The following DBN1 variants were observed in gnomAD, a reference collection of about 807,000 sequenced individuals.
DBN1 encodes the protein drebrin 1, also known as drebrin.
DBN1 carries 21 observed loss-of-function variants against 83.5 expected under a neutral mutation model. That is an observed-to-expected ratio of 0.25 (90% CI 0.18 to 0.36). The LOEUF (loss-of-function observed/expected upper bound fraction) is 0.36, where lower values mean the gene tolerates loss of function less well. DBN1 is among the 10% of genes least tolerant of loss of function. The pLI, the probability that DBN1 is intolerant of heterozygous loss-of-function variation, is 1.00. For missense variants in DBN1, 874 were observed against 935.7 expected, an observed-to-expected ratio of 0.93 and a Z score of 0.86; for synonymous variants, 381 against 384.9, an observed-to-expected ratio of 0.99 and a Z score of 0.12.
At chr5:177,472,041 A>T in intron 1 of DBN1, 1 of 1,496,218 alleles carries the variant, frequency 6.7e-7, no homozygotes, top group Non-Finnish European at 9.0e-7. Flanking sequence ...CCATGATCTC[A>T]GCCCCCCTGG....
chr5:177,462,355 C>T (rs1434163176), intron 8 of DBN1: 5 of 985,410 alleles, frequency 5.1e-6, no homozygotes, highest in East Asian at 1.1e-4. Flanking sequence ...GCTCCCCACC[C>T]GGGGGCCAGG....
Position 177,460,433 on chromosome 5 carries a change from T to C in DBN1, c.954A>G (p.Pro318=). The C allele has an allele frequency of 1.9e-6, 3 of 1,613,672 alleles. No homozygotes were observed. ...ACGGGGGGTGGGGCCTAGGACTACC[T>C]GGTCGATGGTTGAAGGGCGAGGGTA... ...CDVPSPFNHR[P]GRPYCPFIKA... Residue 318 remains proline, a splice_region_variant and synonymous_variant, in exon 10 of 15, where the codon CCA becomes CCG. Transcript: ENST00000393565.
chr5:177,459,794 C>T, intron 10 of DBN1, 54 bp from the exon 11 acceptor site: 1 of 1,410,472 alleles, frequency 7.1e-7, no homozygotes, highest in Non-Finnish European at 9.3e-7. Flanking sequence ...GGGTCAGTCT[C>T]CCCCACCCCT....
intron 11 of DBN1, 141 bp from the exon 12 acceptor site, chr5:177,459,409 C>T (rs1405189442): frequency 2.8e-5 from 40 of 1,430,108 alleles, no homozygotes; most frequent in Non-Finnish European, 3.6e-5. Context: ...AGGGGCCAGA[C>T]TACAGCTCCA....
intron 8 of DBN1, chr5:177,462,269 T>A: frequency 2.0e-6 from 2 of 984,990 alleles, no homozygotes; most frequent in Non-Finnish European, 2.4e-6. Context: ...CACGACGCAG[T>A]CAGTTCCCAG....
intron 1 of DBN1, among the ~76,000 whole-genome samples, chr5:177,470,775 T>A (rs1384109809): frequency 2.6e-5 from 4 of 152,158 alleles, no homozygotes; most frequent in Admixed American, 6.5e-5. Context: ...GCACCCACCA[T>A]ATCCCAGCAG....
At position 177,462,579 on chromosome 5, in the gene DBN1, C is replaced by T. The variant is rs1561681631; in HGVS notation, c.772-1876G>A. 2.6e-5 allele frequency among the ~76,000 whole-genome samples: 4 copies of T among 152,186 alleles called. No homozygotes were observed. In the South Asian group the frequency reaches 8.3e-4, roughly 31 times the overall value. On this transcript the variant is annotated intron_variant, in intron 8 of 14. Transcript: ENST00000393565. ...AGGACCGGGGTCTCCGGGTGGGTGGCCAGCACAAGGCGGGCGCATGTTTGC... is the reference window on the plus strand; with the variant it reads ...AGGACCGGGGTCTCCGGGTGGGTGGTCAGCACAAGGCGGGCGCATGTTTGC...
In DBN1 at chr5:177,467,589, G is replaced by A; in HGVS notation, c.369C>T (p.Asp123=). The part of the protein sequence containing the change: ...DVIVNASSVE[D]IDAGAIGQRL... ...GCTGCCCGATGGCACCCGCGTCTATGTCTTCCACGCTGCTGGCGTTCACGA... is the reference window on the plus strand; with the variant it reads ...GCTGCCCGATGGCACCCGCGTCTATATCTTCCACGCTGCTGGCGTTCACGA... The change falls in exon 5 of 15, where the codon GAC becomes GAT. Residue 123 remains aspartate (D), a synonymous_variant. Coordinates refer to ENST00000393565, the MANE Select transcript of DBN1 (RefSeq NM_001363541.2). This position sits in a 1 kb window ranked among gnomAD's most constrained non-coding sequence, Gnocchi z 9.1. The A allele has an allele frequency of 6.4e-7, 1 of 1,569,338 alleles. No individual in the cohort carries two copies. Among genetic ancestry groups the A allele is most frequent in the Non-Finnish European group, 8.6e-7 (1 of 1,157,102 alleles).
chr5:177,468,794 C>G, intron 2 of DBN1, 50 bp downstream of exon 2: 1 of 1,266,316 alleles, frequency 7.9e-7, no homozygotes, highest in East Asian at 2.8e-5. Flanking sequence ...AAGAAAACAA[C>G]CAGGAGGAGG....
At chr5:177,471,470 G>A (rs570126089) in intron 1 of DBN1, among the ~76,000 whole-genome samples, 57 of 152,202 alleles carry the variant, frequency 3.7e-4, no homozygotes, top group African/African-American at 1.1e-3. Context: ...CTCCCCATTG[G>A]AGGCAAGGTA....
intron 1 of DBN1, among the ~76,000 whole-genome samples, chr5:177,469,711 G>A (rs1167314238): frequency 6.6e-6 from 1 of 152,182 alleles, no homozygotes; most frequent in Non-Finnish European, 1.5e-5. Flanking sequence ...GGCTCCTTTT[G>A]ATAGGCTGCG....
intron 1 of DBN1, chr5:177,472,279 G>T: frequency 6.2e-7 from 1 of 1,603,084 alleles, no homozygotes; most frequent in African/African-American, 1.3e-5. Flanking sequence ...GTGCGGGTGA[G>T]GCCAGCCCAA....
chr5:177,461,843 A>C (rs1366360214), intron 8 of DBN1, among the ~76,000 whole-genome samples: 3 of 152,202 alleles, frequency 2.0e-5, no homozygotes, highest in Non-Finnish European at 4.4e-5. Flanking sequence ...CACAGCAAGC[A>C]CTGGCTAAAT....
In DBN1 at chr5:177,459,705, T is replaced by C. The variant is rs1756867114; in HGVS notation, c.991A>G (p.Ser331Gly). Residue 331 changes from serine (S) to glycine (G), a missense_variant, in exon 11 of 15, where the codon AGT (serine) becomes GGT (glycine). By Grantham distance (56) the Ser-to-Gly change is moderately conservative (BLOSUM62 0). This residue lies in a region of DBN1 where 725 missense variants were observed against 719.7 expected (regional missense o/e 1.01). Coordinates refer to ENST00000393565, the MANE Select transcript of DBN1 (RefSeq NM_001363541.2). Reference protein sequence around the residue: ...PYCPFIKASDSGPSSSSSSSS... With the variant: ...PYCPFIKASDGGPSSSSSSSS... Reference sequence around the variant, plus strand: ...GAAGAGGAGGAGGAGGAAGGCCCACTGTCCGATGCCTTTATGAAAGGGCAG... The same window carrying C: ...GAAGAGGAGGAGGAGGAAGGCCCACCGTCCGATGCCTTTATGAAAGGGCAG... 1.3e-6 allele frequency: 2 copies of C among 1,583,630 alleles called. No homozygotes were observed. Among genetic ancestry groups the C allele is most frequent in the Non-Finnish European group, 1.7e-6 (2 of 1,165,780 alleles).
At chr5:177,459,578 G>A (rs772361393) in intron 11 of DBN1, 25 bp downstream of exon 11, 30 of 1,478,960 alleles carry the variant, frequency 2.0e-5, no homozygotes, top group East Asian at 5.1e-5. Context: ...TACCACCCCC[G>A]CCGAGGCCTG....
chr5:177,473,495 G>A lies in DBN1; in HGVS notation c.27C>T (p.His9=). 2 of 1,435,834 alleles carry A rather than the reference G, an allele frequency of 1.4e-6. No individual in the cohort carries two copies. Among genetic ancestry groups the A allele is most frequent in the Non-Finnish European group, 1.8e-6 (2 of 1,087,362 alleles). 88.9% of individuals were successfully genotyped at this position (1,435,834 alleles called of 1,614,324 possible). A position where few individuals can be genotyped will look rare whatever the true frequency, so the allele number is the denominator to read the frequency against. ...CGTAAGCCGCCAGCAGCTCCAGGCGGTGGCCGCTGAAGCTGACGCCGGCCA... is the reference window on the plus strand; with the variant it reads ...CGTAAGCCGCCAGCAGCTCCAGGCGATGGCCGCTGAAGCTGACGCCGGCCA... MAGVSFSG[H]RLELLAAYEE... is the part of the protein sequence containing the mutation. Residue 9 remains histidine, a synonymous_variant, in exon 1 of 15, where the codon CAC becomes CAT. Coordinates refer to ENST00000393565, the MANE Select transcript of DBN1 (RefSeq NM_001363541.2).
chr5:177,471,486 C>CG (rs1028359208), intron 1 of DBN1, among the ~76,000 whole-genome samples: 3 of 151,968 alleles, frequency 2.0e-5, no homozygotes, highest in Non-Finnish European at 2.9e-5. Context: ...AGGTAAGGGT[C>CG]GGGGGGCAGA....
At chr5:177,473,375 A>C in intron 1 of DBN1, 61 bp downstream of exon 1, 1 of 1,014,520 alleles carries the variant, frequency 9.9e-7, no homozygotes, top group Non-Finnish European at 1.3e-6. Context: ...GGCGGGAGAG[A>C]AACAAAGGCG....
At chr5:177,465,663 C>T (rs867554933) in intron 8 of DBN1, among the ~76,000 whole-genome samples, 15 of 152,074 alleles carry the variant, frequency 9.9e-5, no homozygotes, top group African/African-American at 3.4e-4. Flanking sequence ...CAAGACCATC[C>T]TGGCCAACAT....
Sources: allele counts gnomAD v4.1 joint callset (sites outside exome capture counted in the v4.1 genomes callset), GRCh38; gene constraint gnomAD v4.1.1; regional missense constraint gnomAD v4.1.1; non-coding constraint Gnocchi (gnomAD v3.1); transcripts MANE v1.5; gene names NCBI Gene and HGNC (gene_info 2026-07-23, HGNC 2026-07-21).